Variants in MTHFSD observed in about 807,000 individuals in gnomAD.
MTHFSD encodes the protein methenyltetrahydrofolate synthase domain-containing protein.
In MTHFSD, 37 loss-of-function variants were observed where a neutral mutation model predicts 31.1. The ratio of observed to expected loss-of-function variants is 1.19; its 90% CI spans 0.91 to 1.56. The LOEUF is 1.56. MTHFSD is among the 40% of genes most tolerant of loss of function. MTHFSD has a pLI of 0.00. For synonymous variants in MTHFSD, 221 were observed against 206.9 expected (o/e 1.07, Z -0.59); for missense variants, 664 against 510.1 (o/e 1.30, Z -2.91).
In MTHFSD at chr16:86,532,155, G is replaced by A. The variant is rs748559847; in HGVS notation, c.1008C>T (p.Leu336=). ...LRELGSVPLR[L]TWQGPRRRAF... is the part of the protein sequence containing the mutation. ...CTCTGCGCCGCGGGCCCTGCCAGGT[G>A]AGCCGCAGGGGCACGGAGCCGAGTT... The change falls in exon 8 of 8, where the codon CTC becomes CTT. Residue 336 remains leucine, a synonymous_variant. Transcript: ENST00000360900. 1.9e-6 allele frequency: 3 copies of A among 1,566,154 alleles called. No individual in the cohort carries two copies. The South Asian group carries it at 3.5e-5, about 18-fold the overall frequency.
intron 1 of MTHFSD, 165 bp from the exon 2 acceptor site, chr16:86,554,916 A>T: frequency 9.2e-7 from 1 of 1,088,552 alleles, no homozygotes; most frequent in Non-Finnish European, 1.3e-6. Context: ...GGGCTCCCCC[A>T]CGTGCACGGC....
At chr16:86,553,469 G>T (rs1042680906) in intron 2 of MTHFSD, 2 of 152,526 alleles carry the variant, frequency 1.3e-5, no homozygotes, top group African/African-American at 4.8e-5. Flanking sequence ...CATGGTGCTT[G>T]TGGGCCAGCG....
At chr16:86,538,478 G>A in intron 7 of MTHFSD, among the ~76,000 whole-genome samples, 1 of 152,206 alleles carries the variant, frequency 6.6e-6, no homozygotes, top group South Asian at 2.1e-4. Context: ...TCAGCCCTGG[G>A]AGCTGGCTGG....
At chr16:86,555,079 G>A in intron 1 of MTHFSD, 90 bp downstream of exon 1, 2 of 1,507,686 alleles carry the variant, frequency 1.3e-6, no homozygotes, top group Non-Finnish European at 1.8e-6. Context: ...CCCATCCTCT[G>A]CCAGCCCCGG....
chr16:86,551,893 C>T (rs1973198269), intron 3 of MTHFSD, 140 bp downstream of exon 3: 2 of 1,473,722 alleles, frequency 1.4e-6, no homozygotes, highest in African/African-American at 1.4e-5. Context: ...AAATCACCAC[C>T]AAGGGCACTT....
At chr16:86,543,469 C>T (rs1449366526) in intron 5 of MTHFSD, among the ~76,000 whole-genome samples, 6 of 152,240 alleles carry the variant, frequency 3.9e-5, no homozygotes, top group African/African-American at 1.4e-4. Flanking sequence ...AGAGAAAAGA[C>T]CAAAGCCAAA....
chr16:86,540,062 AT>A (rs374109793), intron 7 of MTHFSD, among the ~76,000 whole-genome samples: 12 of 150,836 alleles, frequency 8.0e-5, no homozygotes, highest in Non-Finnish European at 1.3e-4. Context: ...GAATTTAGAG[AT>A]TTTTTTTTTC....
intron 1 of MTHFSD, 80 bp from the exon 2 acceptor site, chr16:86,554,831 G>C (rs1973836782): frequency 7.8e-7 from 1 of 1,285,452 alleles, no homozygotes; most frequent in African/African-American, 1.5e-5. Context: ...GTAGTTAAGC[G>C]ACCCCCGCGT....
Position 86,541,000 on chromosome 16 carries a change from G to A in MTHFSD, c.681+697C>T, listed in dbSNP as rs572464666. On this transcript the variant is annotated intron_variant, in intron 7 of 7. Coordinates refer to ENST00000360900, the MANE Select transcript of MTHFSD (RefSeq NM_001159377.2). The stretch of plus-strand genomic sequence containing the variant: ...CCATGCCCAAAGGAGGGATTCAAAC[G>A]GTGAATGATTTGGGATTAAAGAATG... 23 of 1,175,452 alleles carry A rather than the reference G, an allele frequency of 2.0e-5. No homozygotes were observed. In the African/African-American group the frequency reaches 2.1e-4, roughly 11 times the overall value. The allele number at this position is 1,175,452 out of a possible 1,614,324, so 72.8% of individuals were successfully genotyped here.
chr16:86,554,782 A>C, intron 1 of MTHFSD, 31 bp from the exon 2 acceptor site: 1 of 1,567,892 alleles, frequency 6.4e-7, no homozygotes. Flanking sequence ...TTAATAACAT[A>C]CAAAGGAATT....
At chr16:86,548,685 C>A in intron 3 of MTHFSD, 108 bp from the exon 4 acceptor site, 1 of 855,784 alleles carries the variant, frequency 1.2e-6, no homozygotes, top group Non-Finnish European at 1.8e-6. Context: ...CTATTATCCG[C>A]ATGGTTTTTT....
In MTHFSD at chr16:86,546,604, G is replaced by C. The variant is rs370397516; in HGVS notation, c.397C>G (p.Leu133Val). 3.7e-6 allele frequency: 6 copies of C among 1,613,808 alleles called. No homozygotes were observed. Among genetic ancestry groups the C allele is most frequent in the Non-Finnish European group, 5.1e-6 (6 of 1,180,036 alleles). The change falls in exon 5 of 8, where the codon CTC becomes GTC. Residue 133 changes from leucine (L) to valine (V), a missense_variant. Physicochemically the swap from Leu to Val is conservative, Grantham distance 32. Coordinates refer to ENST00000360900, the MANE Select transcript of MTHFSD (RefSeq NM_001159377.2). ...GATCCCACCACAACTAAATCCACGA[G>C]GACTCTGGAGTCCAAGCCTATGGGG... ...SVPIGLDSRV[L>V]VDLVVVGSVA...
At chr16:86,535,765 C>T (rs1464615602) in intron 7 of MTHFSD, among the ~76,000 whole-genome samples, 1 of 152,176 alleles carries the variant, frequency 6.6e-6, no homozygotes, top group Non-Finnish European at 1.5e-5. Context: ...GCTGCTCTTA[C>T]CATTTTGGAT....
chr16:86,537,056 C>G (rs773609142), intron 7 of MTHFSD, among the ~76,000 whole-genome samples: 19 of 152,194 alleles, frequency 1.2e-4, no homozygotes, highest in Non-Finnish European at 1.9e-4. Context: ...TACCTTGCTG[C>G]TGTGTGACTG....
Position 86,531,715 on chromosome 16 carries a change from T to C in MTHFSD, c.*296A>G, listed in dbSNP as rs1324005390. 5 of 267,888 alleles carry C rather than the reference T, an allele frequency of 1.9e-5. No individual in the cohort carries two copies. Among genetic ancestry groups the C allele is most frequent in the Non-Finnish European group, 3.5e-5 (5 of 142,568 alleles). 16.6% of individuals were successfully genotyped at this position (267,888 alleles called of 1,614,324 possible). On this transcript the variant is annotated 3_prime_UTR_variant, in exon 8 of 8. Transcript: ENST00000360900. The surrounding 1 kb of genome is among the most constrained non-coding windows in gnomAD (Gnocchi z 5.5). Reference sequence around the variant, plus strand: ...CCTGCTTAGCCACTCACTCAGTCCCTGGCCCCTCTGCTCTGTCCCTCCAGA... The same window carrying C: ...CCTGCTTAGCCACTCACTCAGTCCCCGGCCCCTCTGCTCTGTCCCTCCAGA...
chr16:86,541,921 A>G, intron 6 of MTHFSD, 99 bp from the exon 7 acceptor site: 5 of 1,526,180 alleles, frequency 3.3e-6, no homozygotes, highest in Non-Finnish European at 4.5e-6. Context: ...CTAGAGAAGC[A>G]CCCCCAAATC....
chr16:86,531,957 C>T lies in MTHFSD; in HGVS notation c.*54G>A, dbSNP rs566171952. On this transcript the variant is annotated 3_prime_UTR_variant, in exon 8 of 8. Transcript: ENST00000360900. This position sits in a 1 kb window ranked among gnomAD's most constrained non-coding sequence, Gnocchi z 5.5. ...CTCTCGAGTGCCATCGGAACCGGAG[C>T]GGCAGGGGACGGGGATGGCGAGTCT... 9.7e-6 allele frequency: 12 copies of T among 1,238,126 alleles called. No homozygotes were observed. The highest frequency in any genetic ancestry group is 7.8e-5 in the African/African-American group (5 of 64,324). The allele number at this position is 1,238,126 out of a possible 1,614,324, so 76.7% of individuals were successfully genotyped here. A position where few individuals can be genotyped will look rare whatever the true frequency, so the allele number is the denominator to read the frequency against.
At chr16:86,538,364 T>C (rs1265411240) in intron 7 of MTHFSD, among the ~76,000 whole-genome samples, 1 of 152,148 alleles carries the variant, frequency 6.6e-6, no homozygotes, top group Non-Finnish European at 1.5e-5. Context: ...CACAGAGGCT[T>C]CACCTGCTGC....
At chr16:86,550,118 A>AC (rs1466408276) in intron 3 of MTHFSD, among the ~76,000 whole-genome samples, 6 of 152,312 alleles carry the variant, frequency 3.9e-5, no homozygotes, top group Non-Finnish European at 8.8e-5. Context: ...TGTGCATGTC[A>AC]CCATTGCCTG....
Sources: allele counts gnomAD v4.1 joint callset (sites outside exome capture counted in the v4.1 genomes callset), GRCh38; gene constraint gnomAD v4.1.1; non-coding constraint Gnocchi (gnomAD v3.1); transcripts MANE v1.5; gene names NCBI Gene and HGNC (gene_info 2026-07-23, HGNC 2026-07-21).